Variants in AP1AR observed in about 807,000 individuals in gnomAD.
The protein encoded by AP1AR is AP-1 complex-associated regulatory protein.
AP1AR carries 29 observed loss-of-function variants against 46.3 expected under a neutral mutation model. The ratio of observed to expected loss-of-function variants is 0.63; its 90% CI spans 0.47 to 0.85. The LOEUF (loss-of-function observed/expected upper bound fraction) is 0.85, where lower values mean the gene tolerates loss of function less well. AP1AR is among the 40% of genes least tolerant of loss of function. The pLI is 0.00. For missense variants in AP1AR, 357 were observed against 356.3 expected, an observed-to-expected ratio of 1.00 and a Z score of -0.02; for synonymous variants, 122 against 122.9, an observed-to-expected ratio of 0.99 and a Z score of 0.05.
intron 2 of AP1AR, among the ~76,000 whole-genome samples, chr4:112,253,758 G>A (rs1339782589): frequency 1.3e-5 from 2 of 152,168 alleles, no homozygotes; most frequent in Non-Finnish European, 2.9e-5. Context: ...ACAGGTGGTG[G>A]TCACCCTGTT....
At chr4:112,263,984 T>C (rs1316105009) in intron 6 of AP1AR, among the ~76,000 whole-genome samples, 5 of 152,166 alleles carry the variant, frequency 3.3e-5, no homozygotes, top group Admixed American at 2.0e-4. Flanking sequence ...TCATGTCACA[T>C]TGTAAAACTT....
At chr4:112,232,221 C>A in intron 1 of AP1AR, 47 bp downstream of exon 1, 1 of 1,253,610 alleles carries the variant, frequency 8.0e-7, no homozygotes, top group Non-Finnish European at 1.0e-6. Context: ...TCCTCCTCTT[C>A]GGCCCCCGGC....
chr4:112,260,842 G>C lies in AP1AR; in HGVS notation c.262G>C (p.Asp88His), dbSNP rs1726411181. ...CATTGCCGAAAAACAAAAAGATCTT[G>C]ATAAGAAAATTCAAAAAGAGGTAAA... Reference protein sequence around the residue: ...DSIAEKQKDLDKKIQKELALQ... With the variant: ...DSIAEKQKDLHKKIQKELALQ... Residue 88 changes from aspartate (D) to histidine (H), a missense_variant, in exon 5 of 10, where the codon GAT becomes CAT. By Grantham distance (81) the Asp-to-His change is moderately conservative. Around this residue, in one of 2 missense-constraint regions of AP1AR, gnomAD observed 269 missense variants for 223.6 expected, o/e 1.20. Coordinates refer to ENST00000274000, the MANE Select transcript of AP1AR (RefSeq NM_018569.6). The C allele has an allele frequency of 6.3e-7, 1 of 1,596,884 alleles. No homozygotes were observed. Among genetic ancestry groups the C allele is most frequent in the Non-Finnish European group, 8.5e-7 (1 of 1,170,664 alleles).
intron 1 of AP1AR, among the ~76,000 whole-genome samples, chr4:112,251,962 AC>A (rs1725980062): frequency 6.6e-6 from 1 of 152,284 alleles, no homozygotes; most frequent in Admixed American, 6.5e-5. Flanking sequence ...CTTTCACTAA[AC>A]CTTCATCCAC....
At chr4:112,253,066 T>A (rs1224984086) in intron 1 of AP1AR, 142 bp from the exon 2 acceptor site, 3 of 564,298 alleles carry the variant, frequency 5.3e-6, no homozygotes, top group Non-Finnish European at 8.7e-6. Context: ...TTAGGTAAAT[T>A]TTGTTGTTCT....
intron 7 of AP1AR, 79 bp from the exon 8 acceptor site, chr4:112,265,655 A>G: frequency 1.2e-5 from 12 of 1,027,290 alleles, no homozygotes; most frequent in Non-Finnish European, 1.6e-5. Context: ...TTCAAGCCAC[A>G]ATGCCATCAT....
intron 6 of AP1AR, 134 bp downstream of exon 6, chr4:112,263,220 T>C (rs536395763): frequency 1.6e-6 from 1 of 636,584 alleles, no homozygotes; most frequent in Admixed American, 3.5e-5. Context: ...ACCCATATAT[T>C]CTTAAGAATT....
chr4:112,236,379 C>G (rs562469663), intron 1 of AP1AR, among the ~76,000 whole-genome samples: 1 of 149,960 alleles, frequency 6.7e-6, no homozygotes, highest in South Asian at 2.1e-4. Context: ...CTCCCTGATT[C>G]CCATAGCTAA....
At chr4:112,232,243 T>G (rs535309519) in intron 1 of AP1AR, 69 bp downstream of exon 1, 2 of 1,227,070 alleles carry the variant, frequency 1.6e-6, no homozygotes, top group South Asian at 6.4e-5. Context: ...GGGAATCCCT[T>G]TCACCGTCCC....
chr4:112,236,435 C>G (rs949930674), intron 1 of AP1AR, among the ~76,000 whole-genome samples: 2 of 150,604 alleles, frequency 1.3e-5, no homozygotes, highest in Non-Finnish European at 2.9e-5. Context: ...GAGTCTCGCT[C>G]TCTTGCCCAG....
chr4:112,262,186 C>T (rs548998369), intron 5 of AP1AR, among the ~76,000 whole-genome samples: 2 of 152,000 alleles, frequency 1.3e-5, no homozygotes, highest in East Asian at 1.9e-4. Context: ...TGGTGGCGCA[C>T]GCCTGTAGTC....
intron 1 of AP1AR, among the ~76,000 whole-genome samples, chr4:112,252,601 GA>G: frequency 6.6e-6 from 1 of 152,282 alleles, no homozygotes; most frequent in East Asian, 1.9e-4. Flanking sequence ...AGGAAAGAAT[GA>G]TTAAAATAAA....
At chr4:112,257,624 G>A in intron 3 of AP1AR, 148 bp from the exon 4 acceptor site, 1 of 553,994 alleles carries the variant, frequency 1.8e-6, no homozygotes, top group Non-Finnish European at 2.9e-6. Context: ...ATTTTTAATA[G>A]TGAAATATAT....
chr4:112,241,977 G>A (rs77907674), intron 1 of AP1AR, among the ~76,000 whole-genome samples: 3,533 of 152,106 alleles, frequency 0.023, 99 homozygotes, highest in Admixed American at 0.08. Flanking sequence ...TTTATTTATA[G>A]TGTCAAGCAA....
Position 112,232,030 on chromosome 4 carries a change from G to A in AP1AR, c.-62G>A. The A allele has an allele frequency of 3.1e-6, 4 of 1,310,124 alleles. No individual in the cohort carries two copies. Among genetic ancestry groups the A allele is most frequent in the Non-Finnish European group, 2.9e-6 (3 of 1,018,840 alleles). 81.2% of individuals were successfully genotyped at this position (1,310,124 alleles called of 1,614,324 possible). ...TCGTGCCGTGCGGATGCAGCTGCCG[G>A]GCCTGGGTTTGGGCATTGAGCGGGA... On this transcript the variant is annotated 5_prime_UTR_variant, in exon 1 of 10. Coordinates refer to ENST00000274000, the MANE Select transcript of AP1AR (RefSeq NM_018569.6).
At chr4:112,236,785 A>T (rs971301870) in intron 1 of AP1AR, among the ~76,000 whole-genome samples, 2 of 152,098 alleles carry the variant, frequency 1.3e-5, no homozygotes. Context: ...CCCTTTGTAT[A>T]CTCAGGATGA....
chr4:112,268,250 A>T lies in AP1AR; in HGVS notation c.750A>T (p.Ser250=), dbSNP rs753057450. 1 of 1,613,228 alleles carries T rather than the reference A, an allele frequency of 6.2e-7. No homozygotes were observed. The highest frequency in any genetic ancestry group is 8.5e-7 in the Non-Finnish European group (1 of 1,179,438). The change falls in exon 10 of 10, where the codon TCA becomes TCT. Residue 250 remains serine, a synonymous_variant. Coordinates refer to ENST00000274000, the MANE Select transcript of AP1AR (RefSeq NM_018569.6). The stretch of plus-strand genomic sequence containing the variant: ...AGAAGACTGGAAGTAATCCTACATC[A>T]GCCTCTGATGATTCCAATGGGCTGG... The part of the protein sequence containing the change: ...SNKKTGSNPT[S]ASDDSNGLEW...
rs1184479560 is a variant in AP1AR, at chr4:112,269,066, GTAA to G, written c.*664_*666del. 2.1e-5 allele frequency: 3 copies of G among 145,162 alleles called. No homozygotes were observed. The highest frequency in any genetic ancestry group is 4.5e-5 in the Non-Finnish European group (3 of 66,630). The allele number at this position is 145,162 out of a possible 1,614,324, so 9.0% of individuals were successfully genotyped here. On this transcript the variant is annotated 3_prime_UTR_variant, in exon 10 of 10. Coordinates refer to ENST00000274000, the MANE Select transcript of AP1AR (RefSeq NM_018569.6). ...TTCAGAGTTTGGACATTTCAAGTTG[GTAA>G]TAATAAAAAATAATATTTAAGAAGA...
At chr4:112,260,227 G>A (rs961726539) in intron 4 of AP1AR, among the ~76,000 whole-genome samples, 6 of 152,178 alleles carry the variant, frequency 3.9e-5, no homozygotes, top group African/African-American at 1.2e-4. Context: ...GTTCAGATCT[G>A]CCTTGGTGTC....
Sources: allele counts gnomAD v4.1 joint callset (sites outside exome capture counted in the v4.1 genomes callset), GRCh38; gene constraint gnomAD v4.1.1; regional missense constraint gnomAD v4.1.1; transcripts MANE v1.5; gene names NCBI Gene and HGNC (gene_info 2026-07-23, HGNC 2026-07-21).